Variants in CAMKK2 observed in about 807,000 individuals in gnomAD.
CAMKK2 encodes the protein calcium/calmodulin dependent protein kinase kinase 2, also known as calcium/calmodulin-dependent protein kinase kinase 2.
In CAMKK2, 30 loss-of-function variants were observed where a neutral mutation model predicts 67.2. The observed-to-expected ratio is 0.45, with a 90% CI of 0.33 to 0.61. The LOEUF (loss-of-function observed/expected upper bound fraction) is 0.61, where lower values mean the gene tolerates loss of function less well. CAMKK2 is among the 20% of genes least tolerant of loss of function. The probability of loss-of-function intolerance (pLI) is 0.02; values close to 1 mark genes in which losing one functional copy is unlikely to be tolerated. For synonymous variants in CAMKK2, 322 were observed against 326.2 expected, an observed-to-expected ratio of 0.99 and a Z score of 0.14; for missense variants, 643 against 802.0, an observed-to-expected ratio of 0.80 and a Z score of 2.39.
At position 121,255,596 on chromosome 12, in the gene CAMKK2, G is replaced by A; in HGVS notation, c.861C>T (p.Asp287=). ...EVPTLKPLSE[D]QARFYFQDLI... is the part of the protein sequence containing the mutation. ...GATCCTGGAAGTAGAAACGGGCCTG[G>A]TCTTCAGAGAGTGGTTTGAGGGTGG... Residue 287 remains aspartate (D), a synonymous_variant, in exon 9 of 17, where the codon GAC becomes GAT. Transcript: ENST00000404169. 5 of 1,612,798 alleles carry A rather than the reference G, an allele frequency of 3.1e-6. No individual in the cohort carries two copies. Among genetic ancestry groups the A allele is most frequent in the Non-Finnish European group, 4.2e-6 (5 of 1,179,756 alleles).
At chr12:121,278,772 G>A (rs953599074) in intron 1 of CAMKK2, among the ~76,000 whole-genome samples, 3 of 152,222 alleles carry the variant, frequency 2.0e-5, no homozygotes, top group African/African-American at 4.8e-5. Context: ...GCCCAGTCTC[G>A]GGTATGTCTT....
chr12:121,259,230 G>A (rs186182173), intron 7 of CAMKK2, among the ~76,000 whole-genome samples: 43 of 152,218 alleles, frequency 2.8e-4, no homozygotes, highest in South Asian at 2.1e-4. Flanking sequence ...ATTCCCTGGG[G>A]AGCCACTGTA....
intron 1 of CAMKK2, among the ~76,000 whole-genome samples, chr12:121,293,775 C>A (rs531401436): frequency 6.6e-6 from 1 of 152,100 alleles, no homozygotes; most frequent in Non-Finnish European, 1.5e-5. Flanking sequence ...GCACAAATGA[C>A]ACCTCCTTCA....
intron 1 of CAMKK2, among the ~76,000 whole-genome samples, chr12:121,290,428 C>T (rs1007245049): frequency 6.6e-6 from 1 of 152,254 alleles, no homozygotes; most frequent in African/African-American, 2.4e-5. Flanking sequence ...TGGCTGACAA[C>T]TGTAATCCCA....
Position 121,239,725 on chromosome 12 carries a change from T to C in CAMKK2, c.*974A>G, listed in dbSNP as rs1484968415. On this transcript the variant is annotated 3_prime_UTR_variant, in exon 17 of 17. Coordinates refer to ENST00000404169, the MANE Select transcript of CAMKK2 (RefSeq NM_001270485.2). ...CTGCTAATATATATACAGGCGGGCA[T>C]AGGTTTCATCGGCTCTAACTGATCA... 1 of 152,194 alleles carries C rather than the reference T, an allele frequency of 6.6e-6. No individual in the cohort carries two copies. Among genetic ancestry groups the C allele is most frequent in the Non-Finnish European group, 1.5e-5 (1 of 68,050 alleles). 9.4% of individuals were successfully genotyped at this position (152,194 alleles called of 1,614,324 possible).
rs1185086104 is a variant in CAMKK2 at position 121,245,575 on chromosome 12, T to A, written c.1453-335A>T. ...GACTCAGCATCCCCACCCAGAGGGG[T>A]CTGGAACTTGGCCTGTGGTCAGCCA... On this transcript the variant is annotated intron_variant, in intron 14 of 16. Transcript: ENST00000404169. This position sits in a 1 kb window ranked among gnomAD's most constrained non-coding sequence, Gnocchi z 5.8. Among the ~76,000 whole-genome samples the A allele has an allele frequency of 6.6e-6, 1 of 151,566 alleles. No homozygotes were observed. Among genetic ancestry groups the A allele is most frequent in the Non-Finnish European group, 1.5e-5 (1 of 67,910 alleles).
chr12:121,255,804 A>G lies in CAMKK2; in HGVS notation c.797T>C (p.Val266Ala), dbSNP rs777698092. ...DDPNEDHLYM[V>A]FELVNQGPVM... Reference sequence around the variant, plus strand: ...TCACCCTTGGTTGACCAGTTCGAACACTGTAGGGAAGAAAAGGGTGAAACT... The same window carrying G: ...TCACCCTTGGTTGACCAGTTCGAACGCTGTAGGGAAGAAAAGGGTGAAACT... The change falls in exon 8 of 17, where the codon GTG becomes GCG. Residue 266 changes from valine to alanine, a missense_variant and splice_region_variant. Val to Ala is a moderately conservative substitution (Grantham distance 64). Transcript: ENST00000404169. 6.2e-7 allele frequency: 1 copy of G among 1,613,954 alleles called. No individual in the cohort carries two copies. Among genetic ancestry groups the G allele is most frequent in the East Asian group, 2.2e-5 (1 of 44,882 alleles).
At chr12:121,260,212 C>G in intron 7 of CAMKK2, 107 bp downstream of exon 7, 1 of 924,070 alleles carries the variant, frequency 1.1e-6, no homozygotes, top group Non-Finnish European at 1.6e-6. Flanking sequence ...AAAGGGAAAG[C>G]TGTCTTTGGT....
intron 3 of CAMKK2, chr12:121,269,958 G>C (rs1247019326): frequency 5.8e-6 from 1 of 173,280 alleles, no homozygotes; most frequent in Non-Finnish European, 1.2e-5. Context: ...GCTGAGGCTT[G>C]AGAATCACTT....
chr12:121,278,728 C>T, intron 1 of CAMKK2, among the ~76,000 whole-genome samples: 1 of 152,242 alleles, frequency 6.6e-6, no homozygotes, highest in South Asian at 2.1e-4. Context: ...CCAAGTGGAA[C>T]TATAAGTCCA....
At chr12:121,265,812 A>T (rs111299960) in intron 5 of CAMKK2, among the ~76,000 whole-genome samples, 7,134 of 151,690 alleles carry the variant, frequency 0.047, 530 homozygotes, top group African/African-American at 0.16. Context: ...GAACCAAGAT[A>T]GCACCACTGT....
intron 9 of CAMKK2, among the ~76,000 whole-genome samples, chr12:121,255,278 T>TTATATATATTTATA (rs1891799184): frequency 2.6e-4 from 17 of 64,498 alleles, no homozygotes; most frequent in African/African-American, 1.0e-3. Flanking sequence ...ATATATATAA[T>TTATATATATTTATA]TATATATATA....
intron 1 of CAMKK2, among the ~76,000 whole-genome samples, chr12:121,294,034 G>C (rs1900643905): frequency 6.6e-6 from 1 of 152,178 alleles, no homozygotes; most frequent in Non-Finnish European, 1.5e-5. Context: ...CCAGGTTCAA[G>C]TGATTCTCCT....
At chr12:121,287,796 C>T (rs530347756) in intron 1 of CAMKK2, among the ~76,000 whole-genome samples, 2 of 152,138 alleles carry the variant, frequency 1.3e-5, no homozygotes, top group African/African-American at 4.8e-5. Context: ...CAGCAAGACC[C>T]CATCACCACA....
chr12:121,284,909 C>T (rs944972350), intron 1 of CAMKK2, among the ~76,000 whole-genome samples: 14 of 152,210 alleles, frequency 9.2e-5, no homozygotes, highest in African/African-American at 3.4e-4. Context: ...TTGTTTACAG[C>T]TGAATTCCCG....
At chr12:121,292,817 AT>A (rs1370833828) in intron 1 of CAMKK2, among the ~76,000 whole-genome samples, 2 of 151,942 alleles carry the variant, frequency 1.3e-5, no homozygotes, top group African/African-American at 4.8e-5. Context: ...AGAAATTAAA[AT>A]TTTAGCCAGG....
At position 121,264,039 on chromosome 12, in the gene CAMKK2, C is replaced by T. The variant is rs1255833545; in HGVS notation, c.626-100G>A. On this transcript the variant is annotated intron_variant, in intron 5 of 16. Transcript: ENST00000404169. Reference sequence around the variant, plus strand: ...GCCAAAAGGTGGGATGCCAAAAAGCCACTCTGCAGGGCTGGAGTGGCTGCT... The same window carrying T: ...GCCAAAAGGTGGGATGCCAAAAAGCTACTCTGCAGGGCTGGAGTGGCTGCT... 11 of 1,229,768 alleles carry T rather than the reference C, an allele frequency of 8.9e-6. No individual in the cohort carries two copies. In the East Asian group the frequency reaches 2.9e-4, roughly 33 times the overall value. 76.2% of individuals were successfully genotyped at this position (1,229,768 alleles called of 1,614,324 possible). A position where few individuals can be genotyped will look rare whatever the true frequency, so the allele number is the denominator to read the frequency against.
intron 7 of CAMKK2, among the ~76,000 whole-genome samples, chr12:121,257,942 C>T (rs1018135609): frequency 2.0e-5 from 3 of 151,844 alleles, no homozygotes; most frequent in Non-Finnish European, 2.9e-5. Flanking sequence ...TATTTTCAGT[C>T]GCTAACAGTT....
chr12:121,297,000 G>C (rs187389174), upstream of CAMKK2: 1 of 152,852 alleles, frequency 6.5e-6, no homozygotes, highest in African/African-American at 2.4e-5. The surrounding 1 kb of genome is among the most constrained non-coding windows in gnomAD (Gnocchi z 7.1). Flanking sequence ...GGCGAAGAAC[G>C]GGGGAAGAGA....
Sources: gnomAD v4.1 joint callset for allele counts (sites outside exome capture counted in the v4.1 genomes callset) on GRCh38, gnomAD v4.1.1 for gene constraint, Gnocchi (gnomAD v3.1) non-coding constraint, MANE v1.5 for transcripts, NCBI Gene and HGNC (gene_info 2026-07-23, HGNC 2026-07-21) for gene names.